The following ADAD1 variants were observed in gnomAD, a reference collection of about 807,000 sequenced individuals.
ADAD1 encodes adenosine deaminase domain containing 1.
A neutral mutation model predicts 66.8 loss-of-function variants in ADAD1; 46 were observed. The ratio of observed to expected loss-of-function variants is 0.69; its 90% CI spans 0.54 to 0.88. The LOEUF (loss-of-function observed/expected upper bound fraction) is 0.88. Ranked by LOEUF, ADAD1 falls within the 40% of genes least tolerant of loss-of-function variation. The pLI is 0.00. For synonymous variants in ADAD1, 248 were observed against 229.4 expected (o/e 1.08, Z -0.73); for missense variants, 617 against 681.8 (o/e 0.91, Z 1.06).
intron 3 of ADAD1, 48 bp downstream of exon 3, chr4:122,380,289 A>G (rs747441430): frequency 1.9e-6 from 3 of 1,558,492 alleles, no homozygotes; most frequent in South Asian, 2.5e-5. Flanking sequence ...TTAAGATTCT[A>G]GGATGGCCAG....
Position 122,392,520 on chromosome 4 carries a change from A to G in ADAD1, c.530-1069A>G, listed in dbSNP as rs1324873679. ...AGCTACTCATTAAGCATGTGTAGCC[A>G]TAAATATTGGAACAATAGATGCTGT... On this transcript the variant is annotated intron_variant, in intron 5 of 12. Transcript: ENST00000296513. 2.0e-5 allele frequency among the ~76,000 whole-genome samples: 3 copies of G among 152,328 alleles called. No individual in the cohort carries two copies. In the East Asian group the frequency reaches 5.8e-4, roughly 29 times the overall value.
chr4:122,409,489 G>A (rs1303399867), intron 8 of ADAD1, among the ~76,000 whole-genome samples: 1 of 152,032 alleles, frequency 6.6e-6, no homozygotes, highest in Non-Finnish European at 1.5e-5. Flanking sequence ...TAGGGTAAAT[G>A]GAGTATGTAT....
At chr4:122,415,822 A>T (rs1005500132) in intron 11 of ADAD1, among the ~76,000 whole-genome samples, 8 of 152,114 alleles carry the variant, frequency 5.3e-5, no homozygotes, top group Non-Finnish European at 8.8e-5. Flanking sequence ...GAGAAGACAG[A>T]TGTGGAGAAG....
chr4:122,382,460 CT>C (rs889548568), intron 4 of ADAD1, among the ~76,000 whole-genome samples: 1 of 151,636 alleles, frequency 6.6e-6, no homozygotes, highest in Non-Finnish European at 1.5e-5. Flanking sequence ...GGTAAAATAT[CT>C]TTTTTTTTCT....
intron 9 of ADAD1, 64 bp downstream of exon 9, chr4:122,411,456 C>A (rs960673535): frequency 6.9e-7 from 1 of 1,443,756 alleles, no homozygotes; most frequent in African/African-American, 1.4e-5. Context: ...TTCTGACTTT[C>A]TACAGCAAAT....
intron 5 of ADAD1, among the ~76,000 whole-genome samples, chr4:122,389,633 C>G (rs1795344121): frequency 6.6e-6 from 1 of 151,970 alleles, no homozygotes. Context: ...CTTTTTTGAT[C>G]TTTGTTGGTT....
At chr4:122,420,315 G>A (rs1434671286) in intron 11 of ADAD1, among the ~76,000 whole-genome samples, 1 of 152,242 alleles carries the variant, frequency 6.6e-6, no homozygotes, top group East Asian at 1.9e-4. Context: ...GATTTTCTTG[G>A]GCTTTCCCAC....
chr4:122,413,252 G>A (rs1427203315), intron 10 of ADAD1, among the ~76,000 whole-genome samples: 3 of 152,044 alleles, frequency 2.0e-5, no homozygotes, highest in East Asian at 3.9e-4. Flanking sequence ...TTATTTTAAA[G>A]CATTATTTTA....
chr4:122,395,920 CA>C, intron 6 of ADAD1, among the ~76,000 whole-genome samples: 1 of 152,288 alleles, frequency 6.6e-6, no homozygotes, highest in African/African-American at 2.4e-5. Flanking sequence ...GGTCATCTTG[CA>C]AAGTGTGGCA....
intron 5 of ADAD1, among the ~76,000 whole-genome samples, chr4:122,388,493 G>A (rs1795282080): frequency 6.6e-6 from 1 of 152,102 alleles, no homozygotes; most frequent in African/African-American, 2.4e-5. Context: ...AATCCATCTG[G>A]TCCTGGACTT....
intron 5 of ADAD1, among the ~76,000 whole-genome samples, chr4:122,387,967 G>T (rs992518243): frequency 2.0e-5 from 3 of 152,068 alleles, no homozygotes; most frequent in Non-Finnish European, 4.4e-5. Flanking sequence ...TACCGTGTTA[G>T]CCAGGATGGT....
At chr4:122,382,821 A>C (rs1561529063) in intron 4 of ADAD1, among the ~76,000 whole-genome samples, 1 of 152,222 alleles carries the variant, frequency 6.6e-6, no homozygotes, top group Non-Finnish European at 1.5e-5. Flanking sequence ...ATCATGAAGA[A>C]AAGAACTTGG....
chr4:122,385,594 T>A (rs1210852108), intron 5 of ADAD1, among the ~76,000 whole-genome samples: 1 of 152,184 alleles, frequency 6.6e-6, no homozygotes, highest in Non-Finnish European at 1.5e-5. Context: ...GTTTGTTTTT[T>A]TAAAGGATAC....
At chr4:122,406,910 C>T (rs897886952) in intron 7 of ADAD1, among the ~76,000 whole-genome samples, 1 of 152,154 alleles carries the variant, frequency 6.6e-6, no homozygotes, top group African/African-American at 2.4e-5. Flanking sequence ...TAATTGTTTC[C>T]TTCAAAGCAC....
At chr4:122,424,020 G>C (rs975994160) in intron 12 of ADAD1, among the ~76,000 whole-genome samples, 1 of 152,096 alleles carries the variant, frequency 6.6e-6, no homozygotes, top group African/African-American at 2.4e-5. Flanking sequence ...TAACAAAGCT[G>C]TCATAAAAGA....
At chr4:122,423,365 GCTGAGGTAAATT>G (rs1797093741) in intron 12 of ADAD1, among the ~76,000 whole-genome samples, 2 of 152,212 alleles carry the variant, frequency 1.3e-5, no homozygotes, top group South Asian at 4.1e-4. Flanking sequence ...CCCTGAAAGG[GCTGAGGTAAATT>G]CTTCATATTT....
At chr4:122,419,371 C>T (rs560112607) in intron 11 of ADAD1, among the ~76,000 whole-genome samples, 37 of 152,114 alleles carry the variant, frequency 2.4e-4, no homozygotes, top group Admixed American at 4.6e-4. Flanking sequence ...CACAGTGAGG[C>T]CTTTCAGATG....
rs1482905472 is a variant in ADAD1, at chr4:122,395,050, G to A, written c.599-1202G>A. Among the ~76,000 whole-genome samples the A allele has an allele frequency of 4.6e-5, 7 of 151,910 alleles. 1 individual carries two copies. The highest frequency in any genetic ancestry group is 4.6e-4 in the Admixed American group (7 of 15,232). On this transcript the variant is annotated intron_variant, in intron 6 of 12. Coordinates refer to ENST00000296513, the MANE Select transcript of ADAD1 (RefSeq NM_139243.4). ...TGGTTTGCTATATATATGTGTGTGT[G>A]TATTTATTTATTTATTTGAGGTGGA...
intron 11 of ADAD1, among the ~76,000 whole-genome samples, chr4:122,418,294 A>G (rs1354049126): frequency 2.0e-5 from 3 of 148,824 alleles, no homozygotes; most frequent in Non-Finnish European, 4.4e-5. Flanking sequence ...GGAAAAATAT[A>G]AACGTTATTT....
Sources: allele counts gnomAD v4.1 joint callset (sites outside exome capture counted in the v4.1 genomes callset), GRCh38; gene constraint gnomAD v4.1.1; transcripts MANE v1.5; gene names NCBI Gene and HGNC (gene_info 2026-07-23, HGNC 2026-07-21).